Variants in MYO15A observed in about 807,000 individuals in gnomAD.
The protein encoded by MYO15A is myosin XVA, also known as unconventional myosin-XV.
Under a neutral mutation model 394.6 loss-of-function variants are expected in MYO15A, and 308 were observed. The observed-to-expected ratio is 0.78, with a 90% confidence interval of 0.71 to 0.86. MYO15A has a LOEUF of 0.86. Among genes scored for constraint, MYO15A ranks in the 40% least tolerant of loss-of-function variants. The pLI is 0.00. For synonymous variants in MYO15A, 1,957 were observed against 2,003.8 expected, an observed-to-expected ratio of 0.98 and a Z score of 0.62; for missense variants, 4,606 against 4,799.1, an observed-to-expected ratio of 0.96 and a Z score of 1.19.
chr17:18,152,118 A>G lies in MYO15A; in HGVS notation c.7900A>G (p.Arg2634Gly), dbSNP rs2046594770. The change falls in exon 42 of 66, where the codon AGA becomes GGA. Residue 2634 changes from arginine to glycine, a missense_variant. Arg to Gly is a moderately radical substitution (Grantham distance 125). Around this residue, in one of 2 missense-constraint regions of MYO15A, gnomAD observed 2,776 missense variants for 3,109.3 expected, o/e 0.89. Coordinates refer to ENST00000647165, the MANE Select transcript of MYO15A (RefSeq NM_016239.4). Reference protein sequence around the residue: ...LAAAPGTQVSREAVALVKPVT... With the variant: ...LAAAPGTQVSGEAVALVKPVT... ...TCTCTTTGGGGTGGGACAGGTGTCC[A>G]GAGAGGCCGTGGCCCTGGTGAAGCC... The G allele has an allele frequency of 6.4e-7, 1 of 1,551,506 alleles. No homozygotes were observed. Among genetic ancestry groups the G allele is most frequent in the Non-Finnish European group, 8.7e-7 (1 of 1,147,110 alleles).
At position 18,158,510 on chromosome 17, in the gene MYO15A, G is replaced by A; in HGVS notation, c.8968-13G>A. On this transcript the variant is annotated splice_polypyrimidine_tract_variant and intron_variant, in intron 51 of 65. Transcript: ENST00000647165. Reference sequence around the variant, plus strand: ...GGCCGGACTGGGCCTTCCTAGCTCCGCCTCTTCTGCAGGGTCCCCCAGTCA... The same window carrying A: ...GGCCGGACTGGGCCTTCCTAGCTCCACCTCTTCTGCAGGGTCCCCCAGTCA... 1.2e-6 allele frequency: 2 copies of A among 1,613,004 alleles called. No individual in the cohort carries two copies. The highest frequency in any genetic ancestry group is 1.7e-6 in the Non-Finnish European group (2 of 1,179,092).
intron 52 of MYO15A, 108 bp downstream of exon 52, chr17:18,158,746 G>A: frequency 7.0e-7 from 1 of 1,434,548 alleles, no homozygotes; most frequent in Non-Finnish European, 9.8e-7. Context: ...TGGTGGGAGA[G>A]ATGAGAGACC....
chr17:18,131,619 G>A, intron 10 of MYO15A, 88 bp downstream of exon 10: 1 of 1,487,264 alleles, frequency 6.7e-7, no homozygotes, highest in Non-Finnish European at 9.3e-7. Context: ...GTAGGGCTAG[G>A]TAGACGTCAA....
In MYO15A at chr17:18,133,280, T is replaced by C. The variant is rs1416313648; in HGVS notation, c.4376T>C (p.Leu1459Pro). ...GATGCAGATGACTTTCGCCGGCTCC[T>C]GGCTGCCATGGAGGTGTTGGGCTTC... is the stretch of plus-strand genomic sequence containing the variant. ...KSDADDFRRL[L>P]AAMEVLGFSS... Residue 1459 changes from leucine to proline, a missense_variant, in exon 12 of 66, where the codon CTG (leucine) becomes CCG (proline). Transcript: ENST00000647165. 6.2e-7 allele frequency: 1 copy of C among 1,614,054 alleles called. No homozygotes were observed. Among genetic ancestry groups the C allele is most frequent in the Admixed American group, 1.7e-5 (1 of 60,000 alleles).
chr17:18,178,403 C>G, intron 65 of MYO15A: 1 of 393,498 alleles, frequency 2.5e-6, no homozygotes, highest in Middle Eastern at 8.1e-4. Flanking sequence ...TGCAATAAAG[C>G]CTCACTGAAT....
At chr17:18,139,668 A>T in intron 19 of MYO15A, 57 bp downstream of exon 19, 2 of 1,583,246 alleles carry the variant, frequency 1.3e-6, no homozygotes, top group African/African-American at 1.3e-5. Flanking sequence ...CCACCCCCAC[A>T]CCCAGCCTGC....
intron 62 of MYO15A, among the ~76,000 whole-genome samples, chr17:18,170,355 TTTTATTTTA>T (rs1223948294): frequency 2.0e-5 from 3 of 151,238 alleles, no homozygotes; most frequent in Admixed American, 2.0e-4. Context: ...TTTTATTTTA[TTTTATTTTA>T]TTTATTTATT....
At chr17:18,175,080 CTT>C (rs534149910) in intron 65 of MYO15A, among the ~76,000 whole-genome samples, 14 of 133,310 alleles carry the variant, frequency 1.1e-4, no homozygotes, top group African/African-American at 1.1e-4. Context: ...TCTCCTACCT[CTT>C]TTTTTTTTTT....
At position 18,120,556 on chromosome 17, in the gene MYO15A, A is replaced by G. The variant is rs2045898325; in HGVS notation, c.1756A>G (p.Ile586Val). Residue 586 changes from isoleucine (I) to valine (V), a missense_variant, in exon 2 of 66, where the codon ATC (isoleucine) becomes GTC (valine). Ile to Val is a conservative substitution (Grantham distance 29). Around this residue, in one of 2 missense-constraint regions of MYO15A, gnomAD observed 1,830 missense variants for 1,689.7 expected, o/e 1.08. Coordinates refer to ENST00000647165, the MANE Select transcript of MYO15A (RefSeq NM_016239.4). ...GAAGACGCTGTCGGAGAAGAAGCCC[A>G]TCGCGCGGCTCAGGGGCAGCCAGAA... ...LKKTLSEKKP[I>V]ARLRGSQKAR... The G allele has an allele frequency of 6.3e-7, 1 of 1,598,630 alleles. No individual in the cohort carries two copies.
Position 18,122,260 on chromosome 17 carries a change from T to A in MYO15A, c.3460T>A (p.Trp1154Arg). The part of the protein sequence containing the change: ...DPKPRACSLR[W>R]SCLWLRADAY... ...CAAGCCAAGAGCCTGTAGTCTTCGC[T>A]GGTCCTGCCTCTGGCTTCGGGCAGA... Residue 1154 changes from tryptophan to arginine, a missense_variant, in exon 2 of 66, where the codon TGG (tryptophan) becomes AGG (arginine). By Grantham distance (101) the Trp-to-Arg change is moderately radical. Transcript: ENST00000647165. 1 of 1,613,144 alleles carries A rather than the reference T, an allele frequency of 6.2e-7. No homozygotes were observed. Among genetic ancestry groups the A allele is most frequent in the African/African-American group, 1.3e-5 (1 of 75,062 alleles).
rs1227756137 is a variant in MYO15A, at chr17:18,133,276, C to G, written c.4372C>G (p.Leu1458Val). 1.2e-6 allele frequency: 2 copies of G among 1,614,178 alleles called. No homozygotes were observed. The highest frequency in any genetic ancestry group is 1.7e-6 in the Non-Finnish European group (2 of 1,180,020). ...GKSDADDFRR[L>V]LAAMEVLGFS... Reference sequence around the variant, plus strand: ...GAGCGATGCAGATGACTTTCGCCGGCTCCTGGCTGCCATGGAGGTGTTGGG... The same window carrying G: ...GAGCGATGCAGATGACTTTCGCCGGGTCCTGGCTGCCATGGAGGTGTTGGG... Residue 1458 changes from leucine (L) to valine (V), a missense_variant, in exon 12 of 66, where the codon CTC (leucine) becomes GTC (valine). By Grantham distance (32) the Leu-to-Val change is conservative. Transcript: ENST00000647165.
Position 18,137,746 on chromosome 17 carries a change from T to C in MYO15A, c.4875+67T>C, listed in dbSNP as rs2046305155. On this transcript the variant is annotated intron_variant, in intron 16 of 65. Coordinates refer to ENST00000647165, the MANE Select transcript of MYO15A (RefSeq NM_016239.4). ...GCCAGTGGACCTCCTTGGAGACAGA[T>C]GAGGATATACTGGTTGTTTAAGGGC... 12 of 1,521,630 alleles carry C rather than the reference T, an allele frequency of 7.9e-6. No individual in the cohort carries two copies. The South Asian group carries it at 1.2e-4, about 15-fold the overall frequency. 94.3% of individuals were successfully genotyped at this position (1,521,630 alleles called of 1,614,324 possible).
intron 29 of MYO15A, 55 bp from the exon 30 acceptor site, chr17:18,145,817 G>T: frequency 1.3e-6 from 2 of 1,536,932 alleles, no homozygotes; most frequent in South Asian, 1.1e-5. Flanking sequence ...TTGTGGGGTG[G>T]GGACTGGAAG....
At chr17:18,126,697 G>T in intron 5 of MYO15A, 94 bp from the exon 6 acceptor site, 2 of 1,414,348 alleles carry the variant, frequency 1.4e-6, no homozygotes, top group Non-Finnish European at 2.0e-6. Flanking sequence ...GGGCAGGATT[G>T]GCTGTTTGGC....
In MYO15A at chr17:18,154,593, A is replaced by T. The variant is rs62073602; in HGVS notation, c.8149-87A>T. The stretch of plus-strand genomic sequence containing the variant: ...ACTGCTGCAAAATGGGACCCCTCCC[A>T]CATTGCCACTCACCCTAGTATAGTC... On this transcript the variant is annotated intron_variant, in intron 44 of 65. Coordinates refer to ENST00000647165, the MANE Select transcript of MYO15A (RefSeq NM_016239.4). 2.9e-6 allele frequency: 4 copies of T among 1,387,132 alleles called. No homozygotes were observed. In the African/African-American group the frequency reaches 5.7e-5, roughly 20 times the overall value. 85.9% of individuals were successfully genotyped at this position (1,387,132 alleles called of 1,614,324 possible).
At chr17:18,172,455 CTGGA>C in intron 64 of MYO15A, 165 bp downstream of exon 64, 1 of 1,115,566 alleles carries the variant, frequency 9.0e-7, no homozygotes. Flanking sequence ...CTTTCCTCAT[CTGGA>C]AAATGAGGAT....
At position 18,179,134 on chromosome 17, in the gene MYO15A, C is replaced by A; in HGVS notation, c.*264C>A. ...GCCCACTGTGCAGTGGAGCAGAAGG[C>A]AGGACCATGAGGCCTCCTGCCATGT... On this transcript the variant is annotated 3_prime_UTR_variant, in exon 66 of 66. Coordinates refer to ENST00000647165, the MANE Select transcript of MYO15A (RefSeq NM_016239.4). The A allele has an allele frequency of 3.6e-6, 2 of 560,258 alleles. No individual in the cohort carries two copies. The highest frequency in any genetic ancestry group is 4.0e-5 in the South Asian group (2 of 50,166). 34.7% of individuals were successfully genotyped at this position (560,258 alleles called of 1,614,324 possible).
At chr17:18,131,676 C>A in intron 10 of MYO15A, 145 bp downstream of exon 10, 2 of 1,027,128 alleles carry the variant, frequency 1.9e-6, no homozygotes, top group Non-Finnish European at 1.5e-6. Flanking sequence ...GAGCCCAGGA[C>A]CTCCCCTCCC....
chr17:18,176,887 T>C (rs760957664), intron 65 of MYO15A: 1 of 152,210 alleles, frequency 6.6e-6, no homozygotes, highest in Non-Finnish European at 1.5e-5. Context: ...CCAAACTGTA[T>C]CATTCCCCCA....
Sources: gnomAD v4.1 joint callset for allele counts (sites outside exome capture counted in the v4.1 genomes callset) on GRCh38, gnomAD v4.1.1 for gene constraint, gnomAD v4.1.1 regional missense constraint, MANE v1.5 for transcripts, NCBI Gene and HGNC (gene_info 2026-07-23, HGNC 2026-07-21) for gene names.